Variants in TVP23C observed in about 807,000 individuals in gnomAD.
The protein encoded by TVP23C is Golgi apparatus membrane protein TVP23 homolog C.
In TVP23C, 19 loss-of-function variants were observed where a neutral mutation model predicts 28.7. The ratio of observed to expected loss-of-function variants is 0.66; its 90% confidence interval spans 0.46 to 0.97. The LOEUF (loss-of-function observed/expected upper bound fraction) is 0.97, where lower values mean the gene tolerates loss of function less well. Ranked by LOEUF, TVP23C falls within the 50% of genes least tolerant of loss-of-function variation. The pLI, the probability that TVP23C is intolerant of heterozygous loss-of-function variation, is 0.00. For missense variants in TVP23C, 186 were observed against 241.3 expected (o/e 0.77, Z 1.52); for synonymous variants, 68 against 81.7 (o/e 0.83, Z 0.90).
intron 3 of TVP23C, among the ~76,000 whole-genome samples, chr17:15,553,395 C>T (rs1291752603): frequency 6.6e-6 from 1 of 151,722 alleles, no homozygotes; most frequent in East Asian, 1.9e-4. Context: ...ATTGTAGGGT[C>T]TATGGTTGCT....
rs1193420269 is a variant in TVP23C at position 15,526,083 on chromosome 17, T to TC, written c.462+19701dup. 1.9e-4 allele frequency among the ~76,000 whole-genome samples: 29 copies of TC among 152,148 alleles called. 1 individual carries two copies. The highest frequency in any genetic ancestry group is 9.8e-4 in the Admixed American group (15 of 15,276). ...CGTATGCCCTTTACCCGCTGCCATA[T>TC]CACCTTGGTCTTTGGGAATTACACT... On this transcript the variant is annotated intron_variant, in intron 5 of 5. Transcript: ENST00000225576.
At chr17:15,507,208 C>A in intron 5 of TVP23C, 1 of 730,464 alleles carries the variant, frequency 1.4e-6, no homozygotes, top group Non-Finnish European at 2.5e-6. Flanking sequence ...ATCTGCACTG[C>A]CAAGACAGCG....
chr17:15,559,825 A>G (rs1454066569), intron 1 of TVP23C, among the ~76,000 whole-genome samples: 1 of 148,740 alleles, frequency 6.7e-6, no homozygotes, highest in Non-Finnish European at 1.5e-5. Flanking sequence ...TTTTGTCCTG[A>G]ACAACTAAAA....
At chr17:15,550,271 T>C (rs1488305181) in intron 3 of TVP23C, among the ~76,000 whole-genome samples, 1 of 152,254 alleles carries the variant, frequency 6.6e-6, no homozygotes, top group Non-Finnish European at 1.5e-5. Flanking sequence ...TTGCTTCCTT[T>C]TAAACCCAAG....
In TVP23C at chr17:15,539,219, T is replaced by C. The variant is rs1983295125; in HGVS notation, c.*1193A>G. The C allele has an allele frequency of 1.0e-6, 1 of 980,272 alleles. No homozygotes were observed. Among genetic ancestry groups the C allele is most frequent in the South Asian group, 4.7e-5 (1 of 21,156 alleles). 60.7% of individuals were successfully genotyped at this position (980,272 alleles called of 1,614,324 possible). On this transcript the variant is annotated 3_prime_UTR_variant, in exon 6 of 6. Coordinates refer to ENST00000518321, the MANE Select transcript of TVP23C (RefSeq NM_001135036.2). The stretch of plus-strand genomic sequence containing the variant: ...CAGCAATCTTGTGCCCTCTAGGTGA[T>C]TCTCATGTATGTTCGAGTTTAAGAA...
intron 5 of TVP23C, among the ~76,000 whole-genome samples, chr17:15,504,624 G>A (rs1419755693): frequency 6.6e-6 from 1 of 152,086 alleles, no homozygotes; most frequent in African/African-American, 2.4e-5. Flanking sequence ...GTGCAGTGGG[G>A]TGATCACAGC....
Position 15,551,265 on chromosome 17 carries a change from A to ATTT in TVP23C, c.240+2417_240+2419dup, listed in dbSNP as rs1258749974. On this transcript the variant is annotated intron_variant, in intron 3 of 5. Transcript: ENST00000518321. ...AGGCGCCTGCCACCATGCCCGGCTCATTTTTTTTTTTTTTTTTTTTTTAGC... is the reference window on the plus strand; with the variant it reads ...AGGCGCCTGCCACCATGCCCGGCTCATTTTTTTTTTTTTTTTTTTTTTTTTAGC... 2.3e-4 allele frequency among the ~76,000 whole-genome samples: 27 copies of ATTT among 115,320 alleles called. No individual in the cohort carries two copies. In the East Asian group the frequency reaches 2.5e-3, roughly 11 times the overall value. 75.7% of individuals were successfully genotyped at this position (115,320 alleles called of 152,430 possible).
At chr17:15,507,632 A>C (rs1002760965) in intron 5 of TVP23C, among the ~76,000 whole-genome samples, 5 of 152,270 alleles carry the variant, frequency 3.3e-5, no homozygotes, top group Admixed American at 6.5e-5. Context: ...AGGTCAGGAG[A>C]TCGAGACCAT....
chr17:15,503,225 G>C, exon 6 of TVP23C: 1 of 1,510,734 alleles, frequency 6.6e-7, no homozygotes, highest in Non-Finnish European at 8.8e-7. Flanking sequence ...AATGTGGCGA[G>C]ACCGTCTCTA....
chr17:15,508,315 G>A (rs961856543), intron 5 of TVP23C, among the ~76,000 whole-genome samples: 1 of 152,184 alleles, frequency 6.6e-6, no homozygotes, highest in Admixed American at 6.5e-5. Context: ...GAGAAAGGAA[G>A]GAAAAACAGA....
downstream of TVP23C, among the ~76,000 whole-genome samples, chr17:15,534,230 T>C (rs1239010112): frequency 2.0e-5 from 3 of 151,866 alleles, no homozygotes; most frequent in African/African-American, 4.8e-5. Flanking sequence ...AACTGTCCTA[T>C]GCTCTTCAGG....
intron 5 of TVP23C, among the ~76,000 whole-genome samples, chr17:15,519,013 G>A (rs560996722): frequency 3.3e-5 from 5 of 152,076 alleles, no homozygotes; most frequent in African/African-American, 9.6e-5. Context: ...ACTCTCTCTC[G>A]CTCTCCTGCC....
At position 15,538,113 on chromosome 17, in the gene TVP23C, T is replaced by C; in HGVS notation, c.*2299A>G. The C allele has an allele frequency of 6.2e-7, 1 of 1,613,772 alleles. No homozygotes were observed. Among genetic ancestry groups the C allele is most frequent in the Non-Finnish European group, 8.5e-7 (1 of 1,179,818 alleles). On this transcript the variant is annotated 3_prime_UTR_variant, in exon 6 of 6. Coordinates refer to ENST00000518321, the MANE Select transcript of TVP23C (RefSeq NM_001135036.2). ...TTGTTCCCCAATGTAACAAAGCACA[T>C]AAGCTTTCTCTATTCAGGAAGTCTG...
At chr17:15,529,269 T>A (rs1200461602) in intron 5 of TVP23C, among the ~76,000 whole-genome samples, 1 of 151,954 alleles carries the variant, frequency 6.6e-6, no homozygotes, top group Non-Finnish European at 1.5e-5. Context: ...CTGGCCAACA[T>A]GGTGAAATCC....
Position 15,538,598 on chromosome 17 carries a change from AT to A in TVP23C, c.*1813del, listed in dbSNP as rs573526687. The A allele has an allele frequency of 1.1e-4, 112 of 983,690 alleles. 1 individual carries two copies. The African/African-American group carries it at 1.8e-3, about 15-fold the overall frequency. The allele number at this position is 983,690 out of a possible 1,614,324, so 60.9% of individuals were successfully genotyped here. On this transcript the variant is annotated 3_prime_UTR_variant, in exon 6 of 6. Transcript: ENST00000518321. ...AGAGTGAGACTCTGTCTCAAAAAAA[AT>A]AAATAAATAAAAAAGTAGACATGCG...
At chr17:15,506,239 T>C (rs1981734215) in intron 5 of TVP23C, among the ~76,000 whole-genome samples, 1 of 152,204 alleles carries the variant, frequency 6.6e-6, no homozygotes, top group African/African-American at 2.4e-5. Flanking sequence ...GCTCAAGGTT[T>C]GTGAGTGCAC....
At chr17:15,513,315 C>T (rs1050096102) in intron 5 of TVP23C, among the ~76,000 whole-genome samples, 1 of 152,172 alleles carries the variant, frequency 6.6e-6, no homozygotes, top group Non-Finnish European at 1.5e-5. Flanking sequence ...TCTCAAGAGA[C>T]TAAAAATATC....
intron 5 of TVP23C, among the ~76,000 whole-genome samples, chr17:15,511,310 G>C (rs1981993896): frequency 6.6e-6 from 1 of 152,148 alleles, no homozygotes; most frequent in African/African-American, 2.4e-5. Flanking sequence ...AAGTGAAAGT[G>C]CTCAGTGCCA....
At chr17:15,502,817 T>TCC (rs756143794) in exon 6 of TVP23C, 4 of 1,430,082 alleles carry the variant, frequency 2.8e-6, no homozygotes, top group Non-Finnish European at 3.8e-6. Flanking sequence ...CTCCTCTCTC[T>TCC]CTCTCTCTCT....
Sources: gnomAD v4.1 joint callset for allele counts (sites outside exome capture counted in the v4.1 genomes callset) on GRCh38, gnomAD v4.1.1 for gene constraint, MANE v1.5 for transcripts, NCBI Gene and HGNC (gene_info 2026-07-23, HGNC 2026-07-21) for gene names.